The following LINGO2 variants were observed in gnomAD, a reference collection of about 807,000 sequenced individuals.
The protein encoded by LINGO2 is leucine rich repeat and Ig domain containing 2.
A neutral mutation model predicts 30.6 loss-of-function variants in LINGO2; 14 were observed. The observed-to-expected ratio is 0.46, with a 90% CI of 0.30 to 0.72. The LOEUF is 0.72. Ranked by LOEUF, LINGO2 falls within the 30% of genes least tolerant of loss-of-function variation. The pLI is 0.07. For missense variants in LINGO2, 729 were observed against 751.7 expected (o/e 0.97, Z 0.35); for synonymous variants, 317 against 288.5 (o/e 1.10, Z -1.00).
chr9:28,556,147 G>T (rs1822672272), intron 1 of LINGO2, among the ~76,000 whole-genome samples: 1 of 151,944 alleles, frequency 6.6e-6, no homozygotes, highest in South Asian at 2.1e-4. Context: ...TCTGGCCAGG[G>T]CAATTAGGCA....
the LINGO2 span, among the ~76,000 whole-genome samples, chr9:28,869,572 A>C: frequency 2.0e-5 from 3 of 152,012 alleles, no homozygotes; most frequent in Non-Finnish European, 4.4e-5. Flanking sequence ...AAGCAGGAAG[A>C]AAAAAGATGA....
the LINGO2 span, among the ~76,000 whole-genome samples, chr9:28,726,539 T>C: frequency 3.3e-5 from 5 of 152,312 alleles, no homozygotes; most frequent in African/African-American, 1.2e-4. Context: ...ATATTGCCTG[T>C]AAATGGCAAG....
At chr9:27,952,472 CAT>C (rs1241564841) in intron 5 of LINGO2, among the ~76,000 whole-genome samples, 3 of 151,722 alleles carry the variant, frequency 2.0e-5, no homozygotes, top group East Asian at 1.9e-4. Flanking sequence ...TGGAAGAAAA[CAT>C]ATATGAAAAT....
chr9:27,957,636 T>C (rs1366908635), intron 5 of LINGO2, among the ~76,000 whole-genome samples: 1 of 151,784 alleles, frequency 6.6e-6, no homozygotes, highest in Non-Finnish European at 1.5e-5. Context: ...AATCAGATGG[T>C]GTTGTTCATC....
chr9:29,121,946 G>T, the LINGO2 span, among the ~76,000 whole-genome samples: 1 of 152,048 alleles, frequency 6.6e-6, no homozygotes, highest in African/African-American at 2.4e-5. Context: ...GTGAGGACAG[G>T]TAAGTTTATG....
intron 2 of LINGO2, among the ~76,000 whole-genome samples, chr9:28,394,636 T>C (rs1160920170): frequency 1.3e-5 from 2 of 152,250 alleles, no homozygotes; most frequent in Non-Finnish European, 2.9e-5. Flanking sequence ...TTTTGTTTTC[T>C]AAATCCATCA....
At chr9:28,750,495 C>T in the LINGO2 span, among the ~76,000 whole-genome samples, 1 of 152,094 alleles carries the variant, frequency 6.6e-6, no homozygotes, top group African/African-American at 2.4e-5. Flanking sequence ...CTGAAGAAGG[C>T]TCTGGGCCCT....
chr9:28,150,287 G>T (rs1169067317), intron 4 of LINGO2, among the ~76,000 whole-genome samples: 1 of 152,236 alleles, frequency 6.6e-6, no homozygotes, highest in Non-Finnish European at 1.5e-5. Flanking sequence ...AACCTTCCAA[G>T]TGTGAAGTGA....
intron 1 of LINGO2, among the ~76,000 whole-genome samples, chr9:28,663,001 G>A (rs1237866964): frequency 6.6e-6 from 1 of 152,062 alleles, no homozygotes; most frequent in Admixed American, 6.6e-5. Flanking sequence ...GTTCAAGGGA[G>A]TTTTACTTTT....
intron 1 of LINGO2, among the ~76,000 whole-genome samples, chr9:28,593,096 C>T (rs1362363543): frequency 6.6e-6 from 1 of 152,072 alleles, no homozygotes; most frequent in African/African-American, 2.4e-5. Flanking sequence ...CTCTGCTTCT[C>T]CTATTAGACT....
intron 2 of LINGO2, among the ~76,000 whole-genome samples, chr9:28,451,554 T>C (rs1564207500): frequency 1.3e-5 from 2 of 151,730 alleles, no homozygotes; most frequent in Non-Finnish European, 3.0e-5. Context: ...TTGCCACAAA[T>C]TGGGTTAGTA....
chr9:28,898,220 T>C, the LINGO2 span, among the ~76,000 whole-genome samples: 23 of 152,318 alleles, frequency 1.5e-4, no homozygotes, highest in African/African-American at 4.1e-4. Flanking sequence ...TCAAACGTGA[T>C]TGATAAGACA....
chr9:28,211,929 T>A (rs79891702), intron 4 of LINGO2, among the ~76,000 whole-genome samples: 1,887 of 147,648 alleles, frequency 0.013, 52 homozygotes, highest in African/African-American at 0.043. Context: ...TCATGCTTAA[T>A]TTTTTTTTTT....
chr9:29,023,408 G>A, the LINGO2 span, among the ~76,000 whole-genome samples: 1 of 151,918 alleles, frequency 6.6e-6, no homozygotes, highest in African/African-American at 2.4e-5. Context: ...TTTCAATAAT[G>A]AGTACCTGCT....
At chr9:28,146,773 C>T (rs999657560) in intron 4 of LINGO2, among the ~76,000 whole-genome samples, 10 of 152,192 alleles carry the variant, frequency 6.6e-5, no homozygotes, top group African/African-American at 2.4e-4. Flanking sequence ...AGCTGTCATG[C>T]TCACAATGAC....
At chr9:28,021,013 TTTTC>T (rs1403127763) in intron 4 of LINGO2, among the ~76,000 whole-genome samples, 1 of 152,118 alleles carries the variant, frequency 6.6e-6, no homozygotes, top group Non-Finnish European at 1.5e-5. Flanking sequence ...CTTTTCTTTG[TTTTC>T]TTTCTTTCCA....
At chr9:28,150,429 C>G (rs1216717755) in intron 4 of LINGO2, among the ~76,000 whole-genome samples, 1 of 152,182 alleles carries the variant, frequency 6.6e-6, no homozygotes, top group African/African-American at 2.4e-5. Flanking sequence ...ACTGAAAATA[C>G]AAGAATTAGG....
chr9:28,708,021 A>C, the LINGO2 span, among the ~76,000 whole-genome samples: 2 of 152,124 alleles, frequency 1.3e-5, no homozygotes, highest in Non-Finnish European at 2.9e-5. Context: ...ACCTAATAAA[A>C]TGTTCTCAGT....
chr9:27,995,920 T>A (rs1458428310), intron 5 of LINGO2, among the ~76,000 whole-genome samples: 1 of 152,174 alleles, frequency 6.6e-6, no homozygotes, highest in Non-Finnish European at 1.5e-5. Context: ...AAGTCAACTG[T>A]ATTTGTCTGC....
Sources: allele counts gnomAD v4.1 joint callset (sites outside exome capture counted in the v4.1 genomes callset), GRCh38; gene constraint gnomAD v4.1.1; transcripts MANE v1.5; gene names NCBI Gene and HGNC (gene_info 2026-07-23, HGNC 2026-07-21).